Variants in DNAAF6 observed in about 807,000 individuals in gnomAD.
The protein encoded by DNAAF6 is dynein axonemal assembly factor 6, also known as PIH1 domain containing 3.
In DNAAF6, 3 loss-of-function variants were observed where a neutral mutation model predicts 13.7. The ratio of observed to expected loss-of-function variants is 0.22; its 90% CI spans 0.10 to 0.56. The LOEUF (loss-of-function observed/expected upper bound fraction) is 0.56, where lower values mean the gene tolerates loss of function less well. Ranked by LOEUF, DNAAF6 falls within the 20% of genes least tolerant of loss-of-function variation. The probability of loss-of-function intolerance (pLI) is 0.92; values close to 1 mark genes in which losing one functional copy is unlikely to be tolerated. For synonymous variants in DNAAF6, 54 were observed against 49.2 expected (o/e 1.10, Z -0.41); for missense variants, 130 against 151.0 (o/e 0.86, Z 0.73).
At chrX:107,209,406 A>G (rs539279840) in intron 1 of DNAAF6, among the ~76,000 whole-genome samples, 1 of 112,196 alleles carries the variant, frequency 8.9e-6, no homozygotes, top group South Asian at 3.7e-4. Flanking sequence ...ATTTACTTAA[A>G]CAAGTTCCAA....
At chrX:107,218,602 G>A (rs1357667796) in intron 3 of DNAAF6, among the ~76,000 whole-genome samples, 1 of 110,759 alleles carries the variant, frequency 9.0e-6, no homozygotes, top group African/African-American at 3.3e-5. Flanking sequence ...CAGTTGGATT[G>A]TAGATTATTT....
At position 107,218,372 on chromosome X, in the gene DNAAF6, C is replaced by T. The variant is rs182525257; in HGVS notation, c.227-492C>T. 3.1e-3 allele frequency among the ~76,000 whole-genome samples: 350 copies of T among 111,886 alleles called. 1 individual carries two copies. Among genetic ancestry groups the T allele is most frequent in the African/African-American group, 0.011 (337 of 30,911 alleles). Reference sequence around the variant, plus strand: ...TGCTTGCATGGAAAAGATATCAAAGCGTTTTTATATAGTAAAAACAATGCA... The same window carrying T: ...TGCTTGCATGGAAAAGATATCAAAGTGTTTTTATATAGTAAAAACAATGCA... On this transcript the variant is annotated intron_variant, in intron 3 of 6. Coordinates refer to ENST00000372453, the MANE Select transcript of DNAAF6 (RefSeq NM_173494.2).
At chrX:107,240,279 G>A (rs1231650435) in intron 6 of DNAAF6, among the ~76,000 whole-genome samples, 4 of 111,848 alleles carry the variant, frequency 3.6e-5, no homozygotes, top group African/African-American at 6.5e-5. Flanking sequence ...TATTAAATGC[G>A]CAGTGCAGAG....
At chrX:107,238,576 G>C (rs1928566819) in intron 5 of DNAAF6, among the ~76,000 whole-genome samples, 1 of 111,605 alleles carries the variant, frequency 9.0e-6, no homozygotes, top group Admixed American at 9.5e-5. Flanking sequence ...CTGATATAAA[G>C]GCAGTTGAAG....
At chrX:107,222,636 G>C in intron 4 of DNAAF6, 109 bp from the exon 5 acceptor site, 1 of 967,722 alleles carries the variant, frequency 1.0e-6, no homozygotes. Flanking sequence ...TATTTGTTTA[G>C]TCCTTTTATT....
intron 5 of DNAAF6, among the ~76,000 whole-genome samples, chrX:107,235,733 C>G (rs1053494246): frequency 1.8e-5 from 2 of 110,257 alleles, no homozygotes; most frequent in Admixed American, 9.7e-5. Context: ...TCCTCATACA[C>G]GAAAACATGT....
At chrX:107,220,949 TTC>T (rs1301332982) in intron 4 of DNAAF6, among the ~76,000 whole-genome samples, 19 of 67,271 alleles carry the variant, frequency 2.8e-4, no homozygotes, top group African/African-American at 8.9e-4. Flanking sequence ...CTTTCTTTCT[TTC>T]TTTCTTTTTC....
intron 5 of DNAAF6, among the ~76,000 whole-genome samples, chrX:107,223,622 T>A (rs1928195710): frequency 9.0e-6 from 1 of 111,417 alleles, no homozygotes; most frequent in African/African-American, 3.2e-5. Context: ...TTTGCTTCTA[T>A]TTTTTTTCCT....
At position 107,244,043 on chromosome X, in the gene DNAAF6, T is replaced by C. The variant is rs1349479665; in HGVS notation, c.*745T>C. On this transcript the variant is annotated 3_prime_UTR_variant, in exon 7 of 7. Transcript: ENST00000372453. ...TTTGATGTACCATACTATCAACATATTTACTTGAGTAAGGAACACTTTTGT... is the reference window on the plus strand; with the variant it reads ...TTTGATGTACCATACTATCAACATACTTACTTGAGTAAGGAACACTTTTGT... 1 of 112,837 alleles carries C rather than the reference T, an allele frequency of 8.9e-6. No homozygotes were observed. The highest frequency in any genetic ancestry group is 1.9e-5 in the Non-Finnish European group (1 of 53,299). The allele number at this position is 112,837 out of a possible 1,213,427, so 9.3% of individuals were successfully genotyped here.
At chrX:107,229,125 C>CTTTTTTTTTTTT (rs1569375032) in intron 5 of DNAAF6, among the ~76,000 whole-genome samples, 1 of 57,799 alleles carries the variant, frequency 1.7e-5, no homozygotes, top group African/African-American at 1.3e-4. Context: ...CTGTTGACTA[C>CTTTTTTTTTTTT]TCTTTTTTTT....
intron 1 of DNAAF6, among the ~76,000 whole-genome samples, chrX:107,207,796 T>C (rs1273745548): frequency 9.1e-6 from 1 of 110,493 alleles, no homozygotes; most frequent in Non-Finnish European, 1.9e-5. Context: ...GCCGGGTGTG[T>C]TGGCGCCTGC....
chrX:107,218,535 A>G (rs779697219), intron 3 of DNAAF6, among the ~76,000 whole-genome samples: 1 of 110,875 alleles, frequency 9.0e-6, no homozygotes, highest in Non-Finnish European at 1.9e-5. Context: ...ATGGAGAGAG[A>G]GAGAGAGAGA....
At chrX:107,232,602 A>T (rs979550813) in intron 5 of DNAAF6, among the ~76,000 whole-genome samples, 1 of 112,021 alleles carries the variant, frequency 8.9e-6, no homozygotes, top group Non-Finnish European at 1.9e-5. Context: ...GGAGGAAGTG[A>T]TAGGGCATAC....
Position 107,237,810 on chromosome X carries a change from C to T in DNAAF6, c.430-1112C>T, listed in dbSNP as rs887612414. Among the ~76,000 whole-genome samples the T allele has an allele frequency of 3.6e-5, 4 of 111,533 alleles. No homozygotes were observed. The South Asian group carries it at 1.1e-3, about 31-fold the overall frequency. Reference sequence around the variant, plus strand: ...CATCCTGGCTAACACGGGGAAACCCCGTCTACTAAAAATACAAAAAATTAG... The same window carrying T: ...CATCCTGGCTAACACGGGGAAACCCTGTCTACTAAAAATACAAAAAATTAG... On this transcript the variant is annotated intron_variant, in intron 5 of 6. Coordinates refer to ENST00000372453, the MANE Select transcript of DNAAF6 (RefSeq NM_173494.2).
At chrX:107,206,716 G>A (rs983541616) in intron 1 of DNAAF6, 26 bp downstream of exon 1, 1 of 111,063 alleles carries the variant, frequency 9.0e-6, no homozygotes, top group Non-Finnish European at 1.9e-5. Flanking sequence ...CCTCAAGACG[G>A]GGAAAGACAG....
At chrX:107,211,099 G>A (rs1027869147) in intron 1 of DNAAF6, among the ~76,000 whole-genome samples, 2 of 111,916 alleles carry the variant, frequency 1.8e-5, no homozygotes, top group Non-Finnish European at 3.8e-5. Context: ...TGTGTCAAAT[G>A]AATTTTAATA....
chrX:107,238,603 G>A (rs1364804568), intron 5 of DNAAF6, among the ~76,000 whole-genome samples: 1 of 111,596 alleles, frequency 9.0e-6, no homozygotes, highest in African/African-American at 3.3e-5. Flanking sequence ...AACTCTAACA[G>A]GTGTACTACT....
chrX:107,210,646 T>C (rs751550078), intron 1 of DNAAF6, among the ~76,000 whole-genome samples: 16 of 110,495 alleles, frequency 1.4e-4, no homozygotes, highest in South Asian at 1.2e-3. Context: ...CTCGAACTCC[T>C]GAGCTCACGT....
intron 1 of DNAAF6, among the ~76,000 whole-genome samples, chrX:107,209,795 C>A (rs1451910015): frequency 8.9e-6 from 1 of 112,081 alleles, no homozygotes; most frequent in African/African-American, 3.2e-5. Context: ...TTAATAAAAT[C>A]TATTATCTAT....
Sources: gnomAD v4.1 joint callset for allele counts (sites outside exome capture counted in the v4.1 genomes callset) on GRCh38, gnomAD v4.1.1 for gene constraint, MANE v1.5 for transcripts, NCBI Gene and HGNC (gene_info 2026-07-23, HGNC 2026-07-21) for gene names.